Variants in ROR1 observed in about 807,000 individuals in gnomAD.
ROR1 encodes inactive tyrosine-protein kinase transmembrane receptor ROR1.
ROR1 carries 19 observed loss-of-function variants against 78.8 expected under a neutral mutation model. The ratio of observed to expected loss-of-function variants is 0.24; its 90% confidence interval spans 0.17 to 0.35. The LOEUF is 0.35. Ranked by LOEUF, ROR1 falls within the 10% of genes least tolerant of loss-of-function variation. ROR1 has a pLI of 1.00. For missense variants in ROR1, 917 were observed against 1,177.8 expected (o/e 0.78, Z 3.24); for synonymous variants, 386 against 433.6 (o/e 0.89, Z 1.36).
At chr1:64,067,758 G>GC (rs1208270009) in intron 4 of ROR1, among the ~76,000 whole-genome samples, 5 of 142,054 alleles carry the variant, frequency 3.5e-5, no homozygotes, top group African/African-American at 1.4e-4. Context: ...TGTCACCGAG[G>GC]CTAGAGTGCA....
intron 1 of ROR1, among the ~76,000 whole-genome samples, chr1:63,901,468 G>GTGTT (rs1476918048): frequency 6.6e-6 from 1 of 152,176 alleles, no homozygotes; most frequent in East Asian, 1.9e-4. Context: ...AGGGCCTGGA[G>GTGTT]TGTTCCTTGA....
At chr1:63,951,206 T>C (rs1293683134) in intron 1 of ROR1, among the ~76,000 whole-genome samples, 1 of 152,122 alleles carries the variant, frequency 6.6e-6, no homozygotes, top group Non-Finnish European at 1.5e-5. Flanking sequence ...TTAATTTCTT[T>C]ACCAGGATCT....
intron 1 of ROR1, among the ~76,000 whole-genome samples, chr1:63,973,544 T>C (rs1335194348): frequency 6.6e-6 from 1 of 152,180 alleles, no homozygotes; most frequent in Non-Finnish European, 1.5e-5. Flanking sequence ...AATAGAACAC[T>C]CATGTAAAAT....
intron 7 of ROR1, among the ~76,000 whole-genome samples, chr1:64,144,376 C>T (rs1478685822): frequency 1.3e-5 from 2 of 152,126 alleles, no homozygotes; most frequent in African/African-American, 2.4e-5. Context: ...GAAATGTTGG[C>T]ATACAGATGG....
At chr1:63,781,301 TATTAA>T (rs1161727207) in intron 1 of ROR1, among the ~76,000 whole-genome samples, 1 of 152,218 alleles carries the variant, frequency 6.6e-6, no homozygotes, top group Admixed American at 6.5e-5. Context: ...TTTTTAAAGC[TATTAA>T]ATTTATGCTT....
chr1:64,025,879 G>A (rs1408024772), intron 2 of ROR1, among the ~76,000 whole-genome samples: 3 of 152,096 alleles, frequency 2.0e-5, no homozygotes, highest in Non-Finnish European at 4.4e-5. Context: ...GGTGGGAGGT[G>A]GGTGAGGGAT....
intron 1 of ROR1, among the ~76,000 whole-genome samples, chr1:63,875,092 G>A (rs1645276511): frequency 6.6e-6 from 1 of 152,116 alleles, no homozygotes; most frequent in East Asian, 1.9e-4. Flanking sequence ...GTCTTGGTTT[G>A]AATTCAGACT....
rs145547165 is a variant in ROR1, at chr1:63,893,741, A to G, written c.92-115564A>G. ...GGTAATCTCTGGATGGTGCTATACA[A>G]AGTGGGTCAAGAGATATACAGTGGT... is the stretch of plus-strand genomic sequence containing the variant. On this transcript the variant is annotated intron_variant, in intron 1 of 8. Transcript: ENST00000371079. Among the ~76,000 whole-genome samples the G allele has an allele frequency of 1.1e-4, 16 of 152,286 alleles. No homozygotes were observed. In the East Asian group the frequency reaches 1.9e-3, roughly 18 times the overall value.
chr1:63,863,250 A>G (rs1359565984), intron 1 of ROR1, among the ~76,000 whole-genome samples: 1 of 152,220 alleles, frequency 6.6e-6, no homozygotes, highest in Non-Finnish European at 1.5e-5. Flanking sequence ...TTCAGCCTTC[A>G]TTTGCTGTTG....
chr1:64,119,250 C>A (rs1422290985), intron 4 of ROR1, among the ~76,000 whole-genome samples: 1 of 152,206 alleles, frequency 6.6e-6, no homozygotes, highest in Non-Finnish European at 1.5e-5. Context: ...CCACTCCCCC[C>A]AGTTGAATTT....
At chr1:64,123,771 A>T (rs922271101) in intron 4 of ROR1, among the ~76,000 whole-genome samples, 1 of 152,188 alleles carries the variant, frequency 6.6e-6, no homozygotes, top group Admixed American at 6.5e-5. Flanking sequence ...TTCCCCATTG[A>T]TGGTAGAAAT....
chr1:63,869,909 A>G (rs1645241063), intron 1 of ROR1, among the ~76,000 whole-genome samples: 1 of 152,204 alleles, frequency 6.6e-6, no homozygotes, highest in Non-Finnish European at 1.5e-5. Context: ...TATTTTCCAA[A>G]TGTTAATGCT....
At chr1:63,968,853 T>G (rs985424116) in intron 1 of ROR1, among the ~76,000 whole-genome samples, 1 of 152,192 alleles carries the variant, frequency 6.6e-6, no homozygotes, top group Non-Finnish European at 1.5e-5. Context: ...GTGCAGGAAT[T>G]TGTTCAACAC....
At chr1:64,050,588 G>A in intron 3 of ROR1, 98 bp from the exon 4 acceptor site, 5 of 1,119,154 alleles carry the variant, frequency 4.5e-6, no homozygotes, top group Non-Finnish European at 5.5e-6. Flanking sequence ...ACCTCTGGGT[G>A]GTTGAGAACT....
chr1:64,033,207 C>A (rs1360658903), intron 2 of ROR1, among the ~76,000 whole-genome samples: 1 of 152,120 alleles, frequency 6.6e-6, no homozygotes, highest in Non-Finnish European at 1.5e-5. Flanking sequence ...CACATGCATC[C>A]CCAGAAACAG....
intron 1 of ROR1, among the ~76,000 whole-genome samples, chr1:63,861,209 G>A (rs1228652472): frequency 1.3e-5 from 2 of 152,190 alleles, no homozygotes; most frequent in Non-Finnish European, 2.9e-5. Context: ...TTTCCCCAGT[G>A]TTTCACCAGC....
chr1:63,804,845 G>A (rs1447417889), intron 1 of ROR1, among the ~76,000 whole-genome samples: 19 of 152,124 alleles, frequency 1.2e-4, no homozygotes, highest in Admixed American at 1.2e-3. Flanking sequence ...TGCAGCAGAG[G>A]ATGCCATCTC....
chr1:63,938,078 T>G (rs1191870773), intron 1 of ROR1, among the ~76,000 whole-genome samples: 1 of 152,056 alleles, frequency 6.6e-6, no homozygotes, highest in Non-Finnish European at 1.5e-5. Context: ...CCAGAGAATA[T>G]AGAGTTGGCC....
intron 4 of ROR1, among the ~76,000 whole-genome samples, chr1:64,052,903 CA>C (rs1482177641): frequency 6.6e-6 from 1 of 151,818 alleles, no homozygotes; most frequent in Non-Finnish European, 1.5e-5. Context: ...TCTTAATTGC[CA>C]CCACTTCCCC....
Sources: allele counts gnomAD v4.1 joint callset (sites outside exome capture counted in the v4.1 genomes callset), GRCh38; gene constraint gnomAD v4.1.1; transcripts MANE v1.5; gene names NCBI Gene and HGNC (gene_info 2026-07-23, HGNC 2026-07-21).